TSC22D1: variants seen among roughly 807,000 people sequenced by gnomAD.
The protein encoded by TSC22D1 is TSC22 domain family protein 1.
TSC22D1 carries 9 observed loss-of-function variants against 74.2 expected under a neutral mutation model. The ratio of observed to expected loss-of-function variants is 0.12; its 90% confidence interval spans 0.07 to 0.21. TSC22D1 has a LOEUF of 0.21. Among genes scored for constraint, TSC22D1 ranks in the 10% least tolerant of loss-of-function variants. The probability of loss-of-function intolerance (pLI) is 1.00; values close to 1 mark genes in which losing one functional copy is unlikely to be tolerated. For synonymous variants in TSC22D1, 586 were observed against 492.5 expected, an observed-to-expected ratio of 1.19 and a Z score of -2.51; for missense variants, 1,427 against 1,304.7, an observed-to-expected ratio of 1.09 and a Z score of -1.44.
chr13:44,544,309 C>A (rs2138111579), intron 1 of TSC22D1, among the ~76,000 whole-genome samples: 2 of 150,712 alleles, frequency 1.3e-5, no homozygotes, highest in African/African-American at 2.4e-5. Context: ...GCCAGAATAT[C>A]CAATTTCAAA....
At chr13:44,533,100 G>A (rs1460151426) in intron 1 of TSC22D1, among the ~76,000 whole-genome samples, 1 of 152,210 alleles carries the variant, frequency 6.6e-6, no homozygotes, top group South Asian at 2.1e-4. Context: ...TGCTAAACTA[G>A]AGAATTCTAA....
In TSC22D1 at chr13:44,433,080, T is replaced by C. The variant is rs1333465559; in HGVS notation, c.*1546A>G. The C allele has an allele frequency of 1.3e-5, 2 of 152,110 alleles. No homozygotes were observed. Among genetic ancestry groups the C allele is most frequent in the African/African-American group, 4.8e-5 (2 of 41,410 alleles). The allele number at this position is 152,110 out of a possible 1,614,324, so 9.4% of individuals were successfully genotyped here. On this transcript the variant is annotated 3_prime_UTR_variant, in exon 3 of 3. Coordinates refer to ENST00000458659, the MANE Select transcript of TSC22D1 (RefSeq NM_183422.4). ...AACATCCCAACCCAGGGTGACAGGG[T>C]TCTTAAAGTGGAAATCAGCTTCTCC...
At chr13:44,559,693 CT>C (rs36114777) in intron 1 of TSC22D1, among the ~76,000 whole-genome samples, 251 of 140,072 alleles carry the variant, frequency 1.8e-3, no homozygotes, top group African/African-American at 2.1e-3. Flanking sequence ...CCAAAAATTT[CT>C]TTTTTTTTTT....
chr13:44,456,597 C>T (rs992967462), intron 1 of TSC22D1, among the ~76,000 whole-genome samples: 2 of 152,194 alleles, frequency 1.3e-5, no homozygotes, highest in Non-Finnish European at 2.9e-5. Context: ...CAATGACTAA[C>T]AATTCTCTAG....
intron 1 of TSC22D1, among the ~76,000 whole-genome samples, chr13:44,450,798 TACTGGCATAAGAAAAG>T (rs1876065335): frequency 6.6e-6 from 1 of 152,090 alleles, no homozygotes; most frequent in South Asian, 2.1e-4. Flanking sequence ...CATAAGAAAA[TACTGGCATAAGAAAAG>T]TTGTTAGGTT....
At position 44,575,623 on chromosome 13, in the gene TSC22D1, G is replaced by C. The variant is rs773417151; in HGVS notation, c.452C>G (p.Ser151Cys). The C allele has an allele frequency of 6.2e-7, 1 of 1,614,210 alleles. No homozygotes were observed. The highest frequency in any genetic ancestry group is 8.5e-7 in the Non-Finnish European group (1 of 1,180,038). The change falls in exon 1 of 3, where the codon TCT (serine) becomes TGT (cysteine). Residue 151 changes from serine to cysteine, a missense_variant. By Grantham distance (112) the Ser-to-Cys change is moderately radical (BLOSUM62 -1). Around this residue, in one of 3 missense-constraint regions of TSC22D1, gnomAD observed 1,343 missense variants for 1,191.5 expected, o/e 1.13. Transcript: ENST00000458659. ...AAGTGACACATCAAGGATCTCCGAA[G>C]AAGAGAGATCTTCCGTGTGAGATTC... ...LDESHTEDLS[S>C]SEILDVSLSR...
At chr13:44,459,817 G>A (rs568770598) in intron 1 of TSC22D1, among the ~76,000 whole-genome samples, 25 of 152,302 alleles carry the variant, frequency 1.6e-4, no homozygotes, top group East Asian at 5.8e-4. Flanking sequence ...TGCCTACCCC[G>A]CTGCAGCCAG....
intron 1 of TSC22D1, among the ~76,000 whole-genome samples, chr13:44,567,937 T>A (rs1166518125): frequency 2.6e-5 from 4 of 152,066 alleles, no homozygotes; most frequent in Non-Finnish European, 5.9e-5. Flanking sequence ...TTATAAAGGT[T>A]TTAGAGGTTT....
At chr13:44,450,563 A>T (rs985346449) in intron 1 of TSC22D1, among the ~76,000 whole-genome samples, 6 of 152,176 alleles carry the variant, frequency 3.9e-5, no homozygotes, top group African/African-American at 7.2e-5. Flanking sequence ...GAAAAGTGGG[A>T]TGGATTCAAA....
chr13:44,476,973 TTTTG>T (rs369814239), intron 1 of TSC22D1, among the ~76,000 whole-genome samples: 47 of 151,842 alleles, frequency 3.1e-4, no homozygotes, highest in African/African-American at 6.0e-4. Flanking sequence ...CTGGCCTGTT[TTTTG>T]TTTGTTTGTT....
intron 1 of TSC22D1, among the ~76,000 whole-genome samples, chr13:44,509,126 C>T (rs1047040482): frequency 3.9e-5 from 6 of 152,040 alleles, no homozygotes; most frequent in South Asian, 2.1e-4. Context: ...TTACCCAGTG[C>T]GCTTCCACAC....
At chr13:44,488,293 G>T (rs1405347383) in intron 1 of TSC22D1, among the ~76,000 whole-genome samples, 4 of 152,086 alleles carry the variant, frequency 2.6e-5, no homozygotes, top group African/African-American at 9.7e-5. Flanking sequence ...ACTGAGATGT[G>T]CTGTAAGTGC....
At chr13:44,437,106 G>A in intron 1 of TSC22D1, 2 of 980,050 alleles carry the variant, frequency 2.0e-6, no homozygotes, top group Non-Finnish European at 2.4e-6. Context: ...TCAAAACACT[G>A]GGCCATTGCT....
chr13:44,550,613 AGAAGT>A (rs1378005167), intron 1 of TSC22D1, among the ~76,000 whole-genome samples: 1 of 151,726 alleles, frequency 6.6e-6, no homozygotes, highest in East Asian at 1.9e-4. Flanking sequence ...AAAAAAGAAA[AGAAGT>A]GAAGCTAGTG....
chr13:44,434,078 G>C lies in TSC22D1; in HGVS notation c.*548C>G. 1 of 1,527,654 alleles carries C rather than the reference G, an allele frequency of 6.5e-7. No homozygotes were observed. The highest frequency in any genetic ancestry group is 1.2e-5 in the South Asian group (1 of 81,844). The allele number at this position is 1,527,654 out of a possible 1,614,324, so 94.6% of individuals were successfully genotyped here. On this transcript the variant is annotated 3_prime_UTR_variant, in exon 3 of 3. Coordinates refer to ENST00000458659, the MANE Select transcript of TSC22D1 (RefSeq NM_183422.4). Reference sequence around the variant, plus strand: ...TAGTTTTGTGTCATCCATTGTTTGAGAAGAAAGAGGCACAGTACTATTGTT... The same window carrying C: ...TAGTTTTGTGTCATCCATTGTTTGACAAGAAAGAGGCACAGTACTATTGTT...
chr13:44,434,080 A>T lies in TSC22D1; in HGVS notation c.*546T>A. 1 of 1,525,588 alleles carries T rather than the reference A, an allele frequency of 6.6e-7. No homozygotes were observed. The highest frequency in any genetic ancestry group is 8.7e-7 in the Non-Finnish European group (1 of 1,144,552). The allele number at this position is 1,525,588 out of a possible 1,614,324, so 94.5% of individuals were successfully genotyped here. A position where few individuals can be genotyped will look rare whatever the true frequency, so the allele number is the denominator to read the frequency against. On this transcript the variant is annotated 3_prime_UTR_variant, in exon 3 of 3. Transcript: ENST00000458659. ...GTTTTGTGTCATCCATTGTTTGAGAAGAAAGAGGCACAGTACTATTGTTTT... is the reference window on the plus strand; with the variant it reads ...GTTTTGTGTCATCCATTGTTTGAGATGAAAGAGGCACAGTACTATTGTTTT...
At chr13:44,455,360 A>C (rs1003223552) in intron 1 of TSC22D1, among the ~76,000 whole-genome samples, 2 of 152,208 alleles carry the variant, frequency 1.3e-5, no homozygotes, top group Admixed American at 6.5e-5. Context: ...CGCAGTAACC[A>C]ATGTATGATA....
chr13:44,568,781 G>A (rs1484071272), intron 1 of TSC22D1, among the ~76,000 whole-genome samples: 1 of 152,232 alleles, frequency 6.6e-6, no homozygotes, highest in Non-Finnish European at 1.5e-5. Context: ...GGTGGGGAAA[G>A]GAGGGGCAAC....
At chr13:44,486,792 A>G (rs563934439) in intron 1 of TSC22D1, among the ~76,000 whole-genome samples, 1 of 152,322 alleles carries the variant, frequency 6.6e-6, no homozygotes, top group South Asian at 2.1e-4. Context: ...TAACAAAATG[A>G]CAAAGCATAA....
Sources: allele counts gnomAD v4.1 joint callset (sites outside exome capture counted in the v4.1 genomes callset), GRCh38; gene constraint gnomAD v4.1.1; regional missense constraint gnomAD v4.1.1; transcripts MANE v1.5; gene names NCBI Gene and HGNC (gene_info 2026-07-23, HGNC 2026-07-21).